UMAD1: variants seen among roughly 807,000 people sequenced by gnomAD.
UMAD1 encodes the protein UBAP1-MVB12-associated (UMA)-domain containing protein 1.
UMAD1 carries 8 observed loss-of-function variants against 6.1 expected under a neutral mutation model. That is an observed-to-expected ratio of 1.30 (90% CI 0.76 to 2.35). The LOEUF (loss-of-function observed/expected upper bound fraction) is 2.35. Among genes scored for constraint, UMAD1 ranks in the 30% most tolerant of loss-of-function variants. UMAD1 has a pLI of 0.00. For missense variants in UMAD1, 130 were observed against 78.4 expected, an observed-to-expected ratio of 1.66 and a Z score of -2.49; for synonymous variants, 56 against 31.4, an observed-to-expected ratio of 1.78 and a Z score of -2.61.
intron 3 of UMAD1, among the ~76,000 whole-genome samples, chr7:7,875,124 T>G (rs1050768251): frequency 3.9e-5 from 6 of 152,168 alleles, no homozygotes; most frequent in Non-Finnish European, 5.9e-5. Context: ...TTTGTCAGCA[T>G]TTATAACCAT....
intron 3 of UMAD1, among the ~76,000 whole-genome samples, chr7:7,832,840 T>G (rs377056037): frequency 2.5e-4 from 38 of 152,198 alleles, no homozygotes; most frequent in Admixed American, 5.9e-4. Context: ...GTGGAGGTGG[T>G]GATCACATTG....
chr7:7,644,261 G>T (rs1296752719), intron 1 of UMAD1, among the ~76,000 whole-genome samples: 1 of 149,986 alleles, frequency 6.7e-6, no homozygotes, highest in Non-Finnish European at 1.5e-5. Flanking sequence ...TTTTCTTACT[G>T]ACTTTTAAGA....
At chr7:7,805,829 T>C (rs1053352771) in intron 3 of UMAD1, among the ~76,000 whole-genome samples, 3 of 152,232 alleles carry the variant, frequency 2.0e-5, no homozygotes, top group Admixed American at 1.3e-4. Flanking sequence ...CCTCAGCTAA[T>C]GTGTCCTTCC....
chr7:7,701,325 C>G (rs1175023969), intron 2 of UMAD1, among the ~76,000 whole-genome samples: 1 of 152,002 alleles, frequency 6.6e-6, no homozygotes, highest in Admixed American at 6.6e-5. Flanking sequence ...GGTTAGGGGA[C>G]CTTAAATTGA....
At chr7:7,649,340 C>CT (rs1043991712) in intron 1 of UMAD1, among the ~76,000 whole-genome samples, 1 of 151,914 alleles carries the variant, frequency 6.6e-6, no homozygotes, top group Non-Finnish European at 1.5e-5. Flanking sequence ...CTAACTAATG[C>CT]TTTTTTTCAG....
intron 2 of UMAD1, among the ~76,000 whole-genome samples, chr7:7,798,346 C>T (rs1782728025): frequency 6.6e-6 from 1 of 152,140 alleles, no homozygotes; most frequent in South Asian, 2.1e-4. Context: ...ATAAAAACTA[C>T]ATTTGAAACA....
intron 2 of UMAD1, among the ~76,000 whole-genome samples, chr7:7,684,985 C>G (rs17169446): frequency 0.017 from 2,644 of 152,274 alleles, 31 homozygotes; most frequent in Non-Finnish European, 0.027. Context: ...ACAGGCTTTA[C>G]TAATGCTGTA....
chr7:7,786,862 G>T (rs987939208), intron 2 of UMAD1, among the ~76,000 whole-genome samples: 5 of 152,200 alleles, frequency 3.3e-5, no homozygotes, highest in African/African-American at 1.2e-4. Flanking sequence ...GTTAAAGCAT[G>T]GGAGTGGGAG....
chr7:7,877,193 A>T (rs73043332), intron 3 of UMAD1, 88 bp from the exon 4 acceptor site: 124,428 of 641,836 alleles, frequency 0.19, 15,012 homozygotes, highest in Non-Finnish European at 0.23. Flanking sequence ...CACATTGCTC[A>T]ATCATTTTGA....
chr7:7,708,083 C>G (rs1332122477), intron 2 of UMAD1, among the ~76,000 whole-genome samples: 1 of 152,154 alleles, frequency 6.6e-6, no homozygotes, highest in Admixed American at 6.6e-5. Context: ...AGTCGTCATT[C>G]TTCTCTTAGC....
intron 3 of UMAD1, among the ~76,000 whole-genome samples, chr7:7,840,027 G>A (rs1019857001): frequency 1.3e-5 from 2 of 152,138 alleles, no homozygotes; most frequent in Non-Finnish European, 2.9e-5. Flanking sequence ...ATACAATGAT[G>A]AAACAGAGAA....
intron 2 of UMAD1, among the ~76,000 whole-genome samples, chr7:7,799,049 C>T (rs993330442): frequency 1.3e-5 from 2 of 151,884 alleles, no homozygotes; most frequent in Non-Finnish European, 2.9e-5. Flanking sequence ...ACTTAAGTAC[C>T]TTATTTCATA....
chr7:7,848,869 A>G (rs1783859773), intron 3 of UMAD1, among the ~76,000 whole-genome samples: 1 of 152,162 alleles, frequency 6.6e-6, no homozygotes, highest in Non-Finnish European at 1.5e-5. Flanking sequence ...AACTTTATTT[A>G]AACTACTTTC....
chr7:7,761,376 G>A (rs1315737168), intron 2 of UMAD1, among the ~76,000 whole-genome samples: 120 of 77,672 alleles, frequency 1.5e-3, no homozygotes, highest in African/African-American at 3.9e-3. Flanking sequence ...AAAAAAAAAA[G>A]TACCACTTCT....
chr7:7,743,101 T>A (rs1781505864), intron 2 of UMAD1, among the ~76,000 whole-genome samples: 1 of 152,202 alleles, frequency 6.6e-6, no homozygotes, highest in East Asian at 1.9e-4. Context: ...TTCACATGAA[T>A]GTGAATTTCT....
At chr7:7,852,547 C>G (rs76014105) in intron 3 of UMAD1, among the ~76,000 whole-genome samples, 3,147 of 152,176 alleles carry the variant, frequency 0.021, 123 homozygotes, top group African/African-American at 0.071. Flanking sequence ...TAGAGTGGCT[C>G]ACAGAACTCA....
In UMAD1 at chr7:7,776,599, C is replaced by G. The variant is rs568703429; in HGVS notation, c.83-25071C>G. 3.9e-5 allele frequency among the ~76,000 whole-genome samples: 6 copies of G among 152,240 alleles called. 1 individual carries two copies. Among genetic ancestry groups the G allele is most frequent in the Non-Finnish European group, 8.8e-5 (6 of 68,006 alleles). Reference sequence around the variant, plus strand: ...AAAGGCCTTTTAGATATTGTATTCTCTAATGTGAAACAAAGACAGCATGCC... The same window carrying G: ...AAAGGCCTTTTAGATATTGTATTCTGTAATGTGAAACAAAGACAGCATGCC... On this transcript the variant is annotated intron_variant, in intron 2 of 3. Transcript: ENST00000682710.
chr7:7,742,370 T>C, intron 2 of UMAD1: 1 of 588,090 alleles, frequency 1.7e-6, no homozygotes, highest in Non-Finnish European at 3.3e-6. Flanking sequence ...CTTCCGAGGA[T>C]ATCTGGGCTG....
At chr7:7,842,401 C>T (rs977961437) in intron 3 of UMAD1, among the ~76,000 whole-genome samples, 2 of 151,784 alleles carry the variant, frequency 1.3e-5, no homozygotes, top group East Asian at 3.9e-4. Flanking sequence ...TAAGCACAAC[C>T]GAGACCTAGA....
Sources: allele counts gnomAD v4.1 joint callset (sites outside exome capture counted in the v4.1 genomes callset), GRCh38; gene constraint gnomAD v4.1.1; transcripts MANE v1.5; gene names NCBI Gene and HGNC (gene_info 2026-07-23, HGNC 2026-07-21).